FUBP3: variants seen among roughly 807,000 people sequenced by gnomAD.
FUBP3 encodes the protein far upstream element binding protein 3.
FUBP3 carries 28 observed loss-of-function variants against 85.6 expected under a neutral mutation model. The observed-to-expected ratio is 0.33, with a 90% confidence interval of 0.24 to 0.45. The LOEUF is 0.45. Ranked by LOEUF, FUBP3 falls within the 20% of genes least tolerant of loss-of-function variation. The pLI is 1.00. For synonymous variants in FUBP3, 271 were observed against 271.4 expected (o/e 1.00, Z 0.01); for missense variants, 583 against 755.1 (o/e 0.77, Z 2.67).
rs1407360571 is a variant in FUBP3 at position 130,603,761 on chromosome 9, A to G, written c.191-6193A>G. Among the ~76,000 whole-genome samples, 3 of 152,356 alleles carry G rather than the reference A, an allele frequency of 2.0e-5. No homozygotes were observed. The South Asian group carries it at 6.2e-4, about 32-fold the overall frequency. ...TTCTTCGCAGCTGTTAATAGGGAAG[A>G]AAAGTAGTTGCCAAATTAAAAGAGG... On this transcript the variant is annotated intron_variant, in intron 2 of 18. Coordinates refer to ENST00000319725, the MANE Select transcript of FUBP3 (RefSeq NM_003934.2).
chr9:130,610,938 A>G lies in FUBP3; in HGVS notation c.224+951A>G, dbSNP rs551920753. ...GTTAGTATCAAATGCTGACTTTCCTATAAAGCCATAACTAGTCAGGATTTT... is the reference window on the plus strand; with the variant it reads ...GTTAGTATCAAATGCTGACTTTCCTGTAAAGCCATAACTAGTCAGGATTTT... On this transcript the variant is annotated intron_variant, in intron 3 of 18. Transcript: ENST00000319725. 2.0e-5 allele frequency among the ~76,000 whole-genome samples: 3 copies of G among 152,336 alleles called. No homozygotes were observed. The South Asian group carries it at 6.2e-4, about 32-fold the overall frequency.
chr9:130,612,389 T>C lies in FUBP3; in HGVS notation c.225-67T>C. The C allele has an allele frequency of 1.0e-6, 1 of 969,168 alleles. No homozygotes were observed. Among genetic ancestry groups the C allele is most frequent in the South Asian group, 1.4e-5 (1 of 72,800 alleles). The allele number at this position is 969,168 out of a possible 1,614,324, so 60.0% of individuals were successfully genotyped here. ...TGCAACATTGCCAGTATGGGCAGTTTGGGGACCTAAAATGGCTGCAAAAGT... is the reference window on the plus strand; with the variant it reads ...TGCAACATTGCCAGTATGGGCAGTTCGGGGACCTAAAATGGCTGCAAAAGT... On this transcript the variant is annotated intron_variant, in intron 3 of 18. Transcript: ENST00000319725. The surrounding 1 kb of genome is among the most constrained non-coding windows in gnomAD (Gnocchi z 4.1).
At chr9:130,580,331 GA>G (rs1464656746) in intron 1 of FUBP3, among the ~76,000 whole-genome samples, 12 of 152,170 alleles carry the variant, frequency 7.9e-5, no homozygotes, top group South Asian at 4.1e-4. Context: ...CTACTGGGGA[GA>G]ATGATATGGC....
intron 1 of FUBP3, among the ~76,000 whole-genome samples, chr9:130,593,231 G>T (rs994813274): frequency 6.6e-6 from 1 of 152,100 alleles, no homozygotes; most frequent in African/African-American, 2.4e-5. Flanking sequence ...TCTTACTGTG[G>T]TAATGCTTAT....
At chr9:130,626,311 G>A (rs1829968666) in intron 11 of FUBP3, 53 bp from the exon 12 acceptor site, 16 of 1,566,028 alleles carry the variant, frequency 1.0e-5, no homozygotes, top group Non-Finnish European at 1.4e-5. Context: ...AAAGAGAGGA[G>A]CAGTGGTGCT....
Position 130,632,194 on chromosome 9 carries a change from A to T in FUBP3, c.1434-8A>T. 6.2e-7 allele frequency: 1 copy of T among 1,612,352 alleles called. No individual in the cohort carries two copies. Among genetic ancestry groups the T allele is most frequent in the Middle Eastern group, 1.7e-4 (1 of 6,058 alleles). ...TATAGGAACGAGTGACCCTCTTGTT[A>T]TCCACAGTGGTCCTCCGGCCTTTCT... On this transcript the variant is annotated splice_region_variant and splice_polypyrimidine_tract_variant and intron_variant, in intron 15 of 18. Transcript: ENST00000319725.
intron 12 of FUBP3, among the ~76,000 whole-genome samples, chr9:130,628,422 G>C (rs1207494656): frequency 6.6e-6 from 1 of 152,278 alleles, no homozygotes; most frequent in Non-Finnish European, 1.5e-5. Context: ...CCATCAGGTA[G>C]AAGAATGGAG....
intron 12 of FUBP3, among the ~76,000 whole-genome samples, chr9:130,627,474 A>G (rs1467317285): frequency 3.3e-5 from 5 of 152,238 alleles, no homozygotes. Flanking sequence ...AGAGACCTCC[A>G]GAGCTGGGCA....
chr9:130,595,714 A>G, intron 2 of FUBP3, 126 bp downstream of exon 2: 1 of 697,408 alleles, frequency 1.4e-6, no homozygotes, highest in Non-Finnish European at 2.7e-6. Context: ...GGTTGAAGGG[A>G]AGTATTTAGG....
At chr9:130,590,926 A>T (rs1261554344) in intron 1 of FUBP3, among the ~76,000 whole-genome samples, 1 of 151,706 alleles carries the variant, frequency 6.6e-6, no homozygotes, top group African/African-American at 2.4e-5. Flanking sequence ...TGAATCTTCG[A>T]CATACCATTT....
chr9:130,603,633 A>G (rs184061557), intron 2 of FUBP3, among the ~76,000 whole-genome samples: 270 of 152,352 alleles, frequency 1.8e-3, no homozygotes, highest in African/African-American at 5.9e-3. Context: ...TTAGCCAGCT[A>G]GGTAAAATAG....
At chr9:130,584,957 T>G (rs1830281413) in intron 1 of FUBP3, among the ~76,000 whole-genome samples, 1 of 151,942 alleles carries the variant, frequency 6.6e-6, no homozygotes. Context: ...GAGGTCAGGA[T>G]GAGACCAACC....
In FUBP3 at chr9:130,637,609, CAG is replaced by C. The variant is rs905323286; in HGVS notation, c.*588_*589del. On this transcript the variant is annotated 3_prime_UTR_variant, in exon 19 of 19. Transcript: ENST00000319725. ...GACAGATAATTGTATTGCTGTCCAA[CAG>C]GGGTTGGGAGGGGCATTTTGTAGGG... 6.5e-6 allele frequency: 1 copy of C among 153,092 alleles called. No individual in the cohort carries two copies. The highest frequency in any genetic ancestry group is 2.4e-5 in the African/African-American group (1 of 41,400). The allele number at this position is 153,092 out of a possible 1,614,324, so 9.5% of individuals were successfully genotyped here. A position where few individuals can be genotyped will look rare whatever the true frequency, so the allele number is the denominator to read the frequency against.
chr9:130,622,441 G>A (rs1343110766), intron 9 of FUBP3, among the ~76,000 whole-genome samples: 1 of 151,974 alleles, frequency 6.6e-6, no homozygotes, highest in Non-Finnish European at 1.5e-5. Context: ...AGACCAGCCT[G>A]GCCAGCAAGG....
intron 2 of FUBP3, among the ~76,000 whole-genome samples, chr9:130,599,397 A>G (rs78862072): frequency 2.6e-5 from 4 of 151,252 alleles, no homozygotes; most frequent in Admixed American, 2.0e-4. Context: ...ATATATATAT[A>G]TGTAAAGTTT....
At chr9:130,587,102 GT>G (rs1448619574) in intron 1 of FUBP3, among the ~76,000 whole-genome samples, 36 of 135,606 alleles carry the variant, frequency 2.7e-4, no homozygotes, top group Admixed American at 8.1e-4. Flanking sequence ...GTCTCACTCT[GT>G]CACCAGGCTG....
At chr9:130,632,356 C>G (rs1198628955) in intron 16 of FUBP3, 78 bp downstream of exon 16, 9 of 1,109,936 alleles carry the variant, frequency 8.1e-6, no homozygotes, top group East Asian at 4.8e-5. Context: ...AAAACGCCCT[C>G]GTTCAACTCA....
At position 130,612,346 on chromosome 9, in the gene FUBP3, T is replaced by TA. The variant is rs1320531312; in HGVS notation, c.225-109dup. 4.4e-6 allele frequency: 3 copies of TA among 681,718 alleles called. No individual in the cohort carries two copies. The highest frequency in any genetic ancestry group is 7.9e-6 in the Non-Finnish European group (3 of 381,754). 42.2% of individuals were successfully genotyped at this position (681,718 alleles called of 1,614,324 possible). ...ATTTGTTGGCCAAATTGGCCTGATG[T>TA]ATTTTAAGCTTTTATCATGCAACAT... is the stretch of plus-strand genomic sequence containing the variant. On this transcript the variant is annotated intron_variant, in intron 3 of 18. Coordinates refer to ENST00000319725, the MANE Select transcript of FUBP3 (RefSeq NM_003934.2). The surrounding 1 kb of genome is among the most constrained non-coding windows in gnomAD (Gnocchi z 4.1).
chr9:130,590,911 A>G (rs1830594004), intron 1 of FUBP3, among the ~76,000 whole-genome samples: 1 of 151,990 alleles, frequency 6.6e-6, no homozygotes, highest in South Asian at 2.1e-4. Context: ...TTTTTGCCAT[A>G]TCATTGAATC....
Sources: allele counts gnomAD v4.1 joint callset (sites outside exome capture counted in the v4.1 genomes callset), GRCh38; gene constraint gnomAD v4.1.1; non-coding constraint Gnocchi (gnomAD v3.1); transcripts MANE v1.5; gene names NCBI Gene and HGNC (gene_info 2026-07-23, HGNC 2026-07-21).